Variants in ATRNL1 observed in about 807,000 individuals in gnomAD.
ATRNL1 encodes the protein attractin-like protein 1.
In ATRNL1, 95 loss-of-function variants were observed where a neutral mutation model predicts 182.7. The ratio of observed to expected loss-of-function variants is 0.52; its 90% CI spans 0.44 to 0.62. The LOEUF (loss-of-function observed/expected upper bound fraction) is 0.62, where lower values mean the gene tolerates loss of function less well. Ranked by LOEUF, ATRNL1 falls within the 20% of genes least tolerant of loss-of-function variation. ATRNL1 has a pLI of 0.00. For missense variants in ATRNL1, 1,471 were observed against 1,679.5 expected (o/e 0.88, Z 2.17); for synonymous variants, 576 against 568.3 (o/e 1.01, Z -0.19).
Position 115,218,894 on chromosome 10 carries a change from C to T in ATRNL1, c.1532+3014C>T, listed in dbSNP as rs116863839. 1.0e-3 allele frequency among the ~76,000 whole-genome samples: 156 copies of T among 152,304 alleles called. No individual in the cohort carries two copies. The East Asian group carries it at 0.022, about 22-fold the overall frequency. On this transcript the variant is annotated intron_variant, in intron 9 of 28. Coordinates refer to ENST00000355044, the MANE Select transcript of ATRNL1 (RefSeq NM_207303.4). ...TGCAGTAGCCCTTGTAAGTTGAAAA[C>T]TCTGACCAGTGACCCACCTTTAGAA...
At chr10:115,365,790 T>C (rs1435364197) in intron 19 of ATRNL1, among the ~76,000 whole-genome samples, 2 of 152,212 alleles carry the variant, frequency 1.3e-5, no homozygotes, top group African/African-American at 2.4e-5. Flanking sequence ...CCAGTAGTCA[T>C]TCAGGAGCAG....
intron 27 of ATRNL1, among the ~76,000 whole-genome samples, chr10:115,782,252 T>G (rs1949282931): frequency 6.6e-6 from 1 of 152,190 alleles, no homozygotes; most frequent in African/African-American, 2.4e-5. Flanking sequence ...GCTTCAAACC[T>G]TAACCACCTC....
intron 1 of ATRNL1, among the ~76,000 whole-genome samples, chr10:115,116,963 A>G (rs1241689079): frequency 2.6e-5 from 4 of 152,014 alleles, no homozygotes; most frequent in Non-Finnish European, 4.4e-5. Context: ...TAGCTTAGGT[A>G]GGGAGGCATA....
At chr10:115,201,733 T>C (rs1554892461) in intron 8 of ATRNL1, among the ~76,000 whole-genome samples, 2 of 152,110 alleles carry the variant, frequency 1.3e-5, no homozygotes, top group African/African-American at 4.8e-5. Flanking sequence ...TGGTTCCATA[T>C]GAACTTTAAA....
chr10:115,530,310 A>T (rs939888684), intron 25 of ATRNL1, among the ~76,000 whole-genome samples: 2 of 152,128 alleles, frequency 1.3e-5, no homozygotes, highest in African/African-American at 2.4e-5. Context: ...ACATTTTTTT[A>T]AAGAAGATGT....
At chr10:115,750,044 A>C (rs1948403294) in intron 27 of ATRNL1, among the ~76,000 whole-genome samples, 1 of 151,908 alleles carries the variant, frequency 6.6e-6, no homozygotes, top group Admixed American at 6.6e-5. Context: ...ATTTTCATTT[A>C]TACATTTTAA....
chr10:115,693,350 G>A (rs1946452468), intron 26 of ATRNL1, among the ~76,000 whole-genome samples: 2 of 152,040 alleles, frequency 1.3e-5, no homozygotes, highest in Admixed American at 1.3e-4. Context: ...CGCAAATATT[G>A]GCTGAGATTT....
chr10:115,750,784 T>C (rs1948427026), intron 27 of ATRNL1, among the ~76,000 whole-genome samples: 1 of 151,998 alleles, frequency 6.6e-6, no homozygotes, highest in African/African-American at 2.4e-5. Flanking sequence ...CCAGCAACTC[T>C]ATAAAAATGG....
At chr10:115,281,976 T>C (rs1852381418) in intron 14 of ATRNL1, among the ~76,000 whole-genome samples, 1 of 147,058 alleles carries the variant, frequency 6.8e-6, no homozygotes, top group East Asian at 2.0e-4. Context: ...TTATATATTT[T>C]CCCTCTCCAT....
intron 27 of ATRNL1, among the ~76,000 whole-genome samples, chr10:115,814,879 C>T (rs1555088057): frequency 6.6e-6 from 1 of 152,050 alleles, no homozygotes; most frequent in African/African-American, 2.4e-5. Context: ...TGGCTTAATC[C>T]GTTAAAAAGA....
At chr10:115,624,290 A>G (rs1319210171) in intron 26 of ATRNL1, among the ~76,000 whole-genome samples, 1 of 152,032 alleles carries the variant, frequency 6.6e-6, no homozygotes, top group Non-Finnish European at 1.5e-5. Flanking sequence ...ATACTTTGCA[A>G]CTACATGTTT....
intron 28 of ATRNL1, among the ~76,000 whole-genome samples, chr10:115,894,123 T>C (rs990180141): frequency 2.6e-5 from 4 of 152,154 alleles, no homozygotes; most frequent in Non-Finnish European, 4.4e-5. Context: ...ATAACTGACA[T>C]GGAATCAGTG....
chr10:115,311,042 T>C (rs1853995290), intron 17 of ATRNL1, among the ~76,000 whole-genome samples: 1 of 151,366 alleles, frequency 6.6e-6, no homozygotes, highest in African/African-American at 2.5e-5. Flanking sequence ...TTTAAAACTT[T>C]CCATCTTGAT....
intron 21 of ATRNL1, among the ~76,000 whole-genome samples, chr10:115,429,361 T>A (rs1284374132): frequency 2.6e-5 from 4 of 152,214 alleles, no homozygotes; most frequent in African/African-American, 9.6e-5. Flanking sequence ...TAAGCACAAT[T>A]TTCTTCCTTT....
chr10:115,779,984 C>T (rs114554451), intron 27 of ATRNL1, among the ~76,000 whole-genome samples: 2,250 of 152,316 alleles, frequency 0.015, 39 homozygotes, highest in African/African-American at 0.039. Flanking sequence ...AAAGCACCTT[C>T]ATAAGTACCA....
At chr10:115,629,643 G>C (rs925282299) in intron 26 of ATRNL1, among the ~76,000 whole-genome samples, 5 of 152,142 alleles carry the variant, frequency 3.3e-5, no homozygotes, top group African/African-American at 1.2e-4. Flanking sequence ...AGAGCAGAGA[G>C]TCAAGACTGA....
Position 115,444,085 on chromosome 10 carries a change from C to T in ATRNL1, c.3322+17783C>T, listed in dbSNP as rs114678931. Among the ~76,000 whole-genome samples the T allele has an allele frequency of 5.7e-3, 870 of 152,066 alleles. 9 individuals carry two copies. The highest frequency in any genetic ancestry group is 0.02 in the African/African-American group (830 of 41,502). The stretch of plus-strand genomic sequence containing the variant: ...CAGTTAATAGAAATATGAATTATAG[C>T]CATAAAGATTTAAAAGAGGATTTAA... On this transcript the variant is annotated intron_variant, in intron 21 of 28. Coordinates refer to ENST00000355044, the MANE Select transcript of ATRNL1 (RefSeq NM_207303.4).
intron 8 of ATRNL1, among the ~76,000 whole-genome samples, chr10:115,199,137 G>C (rs1345251441): frequency 2.0e-5 from 3 of 152,110 alleles, no homozygotes; most frequent in Admixed American, 6.6e-5. Context: ...GTCTGTGAAT[G>C]TGGGATCTTT....
chr10:115,938,996 A>G (rs1490390850), intron 28 of ATRNL1, among the ~76,000 whole-genome samples: 1 of 152,208 alleles, frequency 6.6e-6, no homozygotes, highest in Non-Finnish European at 1.5e-5. Context: ...AACTAAAAGA[A>G]TAGATTTTTA....
Sources: allele counts gnomAD v4.1 joint callset (sites outside exome capture counted in the v4.1 genomes callset), GRCh38; gene constraint gnomAD v4.1.1; transcripts MANE v1.5; gene names NCBI Gene and HGNC (gene_info 2026-07-23, HGNC 2026-07-21).